The following PTGFRN variants were observed in gnomAD, a reference collection of about 807,000 sequenced individuals.
PTGFRN encodes the protein prostaglandin F2 receptor inhibitor.
PTGFRN carries 35 observed loss-of-function variants against 83.2 expected under a neutral mutation model. The ratio of observed to expected loss-of-function variants is 0.42; its 90% CI spans 0.32 to 0.56. The LOEUF is 0.56. Ranked by LOEUF, PTGFRN falls within the 20% of genes least tolerant of loss-of-function variation. The probability of loss-of-function intolerance (pLI) is 0.11; values close to 1 mark genes in which losing one functional copy is unlikely to be tolerated. For missense variants in PTGFRN, 1,051 were observed against 1,179.5 expected, an observed-to-expected ratio of 0.89 and a Z score of 1.60; for synonymous variants, 519 against 498.6, an observed-to-expected ratio of 1.04 and a Z score of -0.55.
At chr1:116,933,448 A>G (rs1416702141) in intron 1 of PTGFRN, among the ~76,000 whole-genome samples, 1 of 152,174 alleles carries the variant, frequency 6.6e-6, no homozygotes, top group Non-Finnish European at 1.5e-5. Context: ...AATTATGTAT[A>G]TATTTTGAAT....
chr1:116,943,303 CTTGTA>C (rs1184299750), intron 2 of PTGFRN, among the ~76,000 whole-genome samples: 1 of 152,204 alleles, frequency 6.6e-6, no homozygotes, highest in Non-Finnish European at 1.5e-5. Context: ...AAAAGACACT[CTTGTA>C]TTGGAGCTAA....
In PTGFRN at chr1:116,961,337, T is replaced by G. The variant is rs1349356774; in HGVS notation, c.1308T>G (p.Ser436Arg). 1 of 1,574,738 alleles carries G rather than the reference T, an allele frequency of 6.4e-7. No individual in the cohort carries two copies. The highest frequency in any genetic ancestry group is 2.3e-5 in the East Asian group (1 of 44,384). The change falls in exon 5 of 9, where the codon AGT becomes AGG. Residue 436 changes from serine (S) to arginine (R), a missense_variant. Physicochemically the swap from Ser to Arg is moderately radical, Grantham distance 110. This residue lies in a region of PTGFRN where 719 missense variants were observed against 836.6 expected (regional missense o/e 0.86). Coordinates refer to ENST00000393203, the MANE Select transcript of PTGFRN (RefSeq NM_020440.4). The surrounding 1 kb of genome is among the most constrained non-coding windows in gnomAD (Gnocchi z 5.4). Reference protein sequence around the residue: ...ELACRVVDTKSGEANVRFTVS... With the variant: ...ELACRVVDTKRGEANVRFTVS... ...CATGCCGGGTGGTGGACACGAAGAG[T>G]GGGGAGGCGAATGTCCGATTCACGG...
intron 1 of PTGFRN, among the ~76,000 whole-genome samples, chr1:116,912,280 C>G (rs1649291139): frequency 6.6e-6 from 1 of 152,196 alleles, no homozygotes; most frequent in South Asian, 2.1e-4. Context: ...CCTAACAGTT[C>G]TCTGAACCAT....
rs150295733 is a variant in PTGFRN, at chr1:116,935,144, A to AG, written c.50-6567dup. Among the ~76,000 whole-genome samples, 373 of 152,270 alleles carry AG rather than the reference A, an allele frequency of 2.4e-3. 2 individuals carry two copies. The highest frequency in any genetic ancestry group is 8.6e-3 in the African/African-American group (357 of 41,548). ...TGTATCTTTCATGTCAGTTACCTTG[A>AG]GGGGAAAACAATGTAGTATGTCAAG... On this transcript the variant is annotated intron_variant, in intron 1 of 8. Transcript: ENST00000393203.
chr1:116,944,706 C>A lies in PTGFRN; in HGVS notation c.446C>A (p.Pro149His). 1 of 1,422,338 alleles carries A rather than the reference C, an allele frequency of 7.0e-7. No individual in the cohort carries two copies. The highest frequency in any genetic ancestry group is 9.1e-7 in the Non-Finnish European group (1 of 1,093,278). The allele number at this position is 1,422,338 out of a possible 1,614,324, so 88.1% of individuals were successfully genotyped here. A position where few individuals can be genotyped will look rare whatever the true frequency, so the allele number is the denominator to read the frequency against. ...KVLADSLHVG[P>H]SARPPPSLSL... ...CTGGCCGACTCCCTGCACGTGGGCC[C>A]CAGCGCGCGGCCCCCGCCGAGCCTG... is the stretch of plus-strand genomic sequence containing the variant. The change falls in exon 3 of 9, where the codon CCC (proline) becomes CAC (histidine). Residue 149 changes from proline (P) to histidine (H), a missense_variant. Coordinates refer to ENST00000393203, the MANE Select transcript of PTGFRN (RefSeq NM_020440.4).
At chr1:116,980,533 G>T (rs1313140841) in intron 7 of PTGFRN, among the ~76,000 whole-genome samples, 2 of 152,156 alleles carry the variant, frequency 1.3e-5, no homozygotes, top group Non-Finnish European at 2.9e-5. Context: ...CCATAAAAAA[G>T]GATGAGTTCA....
chr1:116,946,916 ATATT>A (rs1277444917), intron 3 of PTGFRN, among the ~76,000 whole-genome samples: 1 of 152,204 alleles, frequency 6.6e-6, no homozygotes, highest in Admixed American at 6.5e-5. Context: ...AGTATACATG[ATATT>A]TCAGGATATC....
At chr1:116,930,538 C>A (rs1007140090) in intron 1 of PTGFRN, among the ~76,000 whole-genome samples, 2 of 152,204 alleles carry the variant, frequency 1.3e-5, no homozygotes, top group Non-Finnish European at 2.9e-5. Flanking sequence ...GTGGACATTT[C>A]TACTGGTCAA....
intron 5 of PTGFRN, among the ~76,000 whole-genome samples, chr1:116,963,121 G>A (rs1048427132): frequency 6.6e-6 from 1 of 152,150 alleles, no homozygotes. Context: ...CCCTACCTGT[G>A]CCCACAGAGC....
intron 4 of PTGFRN, 24 bp downstream of exon 4, chr1:116,949,596 T>A: frequency 1.3e-6 from 2 of 1,595,128 alleles, no homozygotes; most frequent in African/African-American, 2.7e-5. Flanking sequence ...AGAATGACTC[T>A]TAACCTCTTC....
rs1649215690 is a variant in PTGFRN at position 116,910,040 on chromosome 1, G to A, written c.-164G>A. 3 of 781,844 alleles carry A rather than the reference G, an allele frequency of 3.8e-6. No individual in the cohort carries two copies. The highest frequency in any genetic ancestry group is 1.5e-5 in the South Asian group (1 of 67,492). The allele number at this position is 781,844 out of a possible 1,614,324, so 48.4% of individuals were successfully genotyped here. A position where few individuals can be genotyped will look rare whatever the true frequency, so the allele number is the denominator to read the frequency against. On this transcript the variant is annotated 5_prime_UTR_variant, in exon 1 of 9. Transcript: ENST00000393203. Reference sequence around the variant, plus strand: ...GGAGCGAGCGGAGCCAGGGGCGCACGTACGCCCCAGCGCTGGGATTTATCG... The same window carrying A: ...GGAGCGAGCGGAGCCAGGGGCGCACATACGCCCCAGCGCTGGGATTTATCG...
At chr1:116,960,244 A>T (rs1650612389) in intron 4 of PTGFRN, among the ~76,000 whole-genome samples, 1 of 152,210 alleles carries the variant, frequency 6.6e-6, no homozygotes. Context: ...TCACATCATC[A>T]CAGTGGCGTG....
intron 6 of PTGFRN, among the ~76,000 whole-genome samples, chr1:116,973,702 T>C (rs534672591): frequency 1.3e-5 from 2 of 151,878 alleles, no homozygotes; most frequent in African/African-American, 4.8e-5. Context: ...CCACACCTCA[T>C]AGAAATATCA....
Position 116,984,980 on chromosome 1 carries a change from T to C in PTGFRN, c.2468T>C (p.Met823Thr), listed in dbSNP as rs758249415. ...HSKPVFITVK[M>T]DVLNAFKYPL... ...AAGCCCGTTTTTATAACTGTGAAGA[T>C]GGATGGTAAGAATGTCACCCAAATT... Residue 823 changes from methionine (M) to threonine (T), a missense_variant, in exon 8 of 9, where the codon ATG becomes ACG. Met to Thr is a moderately conservative substitution (Grantham distance 81, BLOSUM62 -1). This residue lies in a region of PTGFRN where 719 missense variants were observed against 836.6 expected (regional missense o/e 0.86). Coordinates refer to ENST00000393203, the MANE Select transcript of PTGFRN (RefSeq NM_020440.4). The C allele has an allele frequency of 6.2e-7, 1 of 1,612,862 alleles. No homozygotes were observed. The highest frequency in any genetic ancestry group is 1.7e-4 in the Middle Eastern group (1 of 6,050).
chr1:116,958,250 G>A lies in PTGFRN; in HGVS notation c.1214-2993G>A, dbSNP rs1243683216. ...GTTTTGGATCACACTGGTCAGTCAG[G>A]CTGAGGCGAGGGCCTGCAGGGAGCT... On this transcript the variant is annotated intron_variant, in intron 4 of 8. Coordinates refer to ENST00000393203, the MANE Select transcript of PTGFRN (RefSeq NM_020440.4). The surrounding 1 kb of genome is among the most constrained non-coding windows in gnomAD (Gnocchi z 4.9). Among the ~76,000 whole-genome samples the A allele has an allele frequency of 6.6e-6, 1 of 152,210 alleles. No homozygotes were observed. The highest frequency in any genetic ancestry group is 1.5e-5 in the Non-Finnish European group (1 of 68,036).
At chr1:116,971,599 C>T (rs1443253904) in intron 6 of PTGFRN, among the ~76,000 whole-genome samples, 1 of 152,094 alleles carries the variant, frequency 6.6e-6, no homozygotes, top group East Asian at 1.9e-4. Context: ...GGATAATGAC[C>T]CATATTAACA....
chr1:116,986,479 C>T (rs1651489407), intron 8 of PTGFRN, among the ~76,000 whole-genome samples: 3 of 152,118 alleles, frequency 2.0e-5, no homozygotes, highest in South Asian at 4.1e-4. Context: ...GCTGAACGTG[C>T]GGTGCCCTTA....
chr1:116,962,858 C>T (rs1650704660), intron 5 of PTGFRN, among the ~76,000 whole-genome samples: 4 of 152,344 alleles, frequency 2.6e-5, no homozygotes, highest in Middle Eastern at 3.4e-3. Context: ...CTTCACGTCT[C>T]TCTCACTAGG....
intron 1 of PTGFRN, among the ~76,000 whole-genome samples, chr1:116,912,298 C>T (rs1469772519): frequency 6.6e-6 from 1 of 152,148 alleles, no homozygotes; most frequent in Non-Finnish European, 1.5e-5. Flanking sequence ...CATTGATGAC[C>T]CTCCTGATAA....
Sources: gnomAD v4.1 joint callset for allele counts (sites outside exome capture counted in the v4.1 genomes callset) on GRCh38, gnomAD v4.1.1 for gene constraint, gnomAD v4.1.1 regional missense constraint, Gnocchi (gnomAD v3.1) non-coding constraint, MANE v1.5 for transcripts, NCBI Gene and HGNC (gene_info 2026-07-23, HGNC 2026-07-21) for gene names.